TAS2R1: variants seen among roughly 807,000 people sequenced by gnomAD.
TAS2R1 encodes taste receptor type 2 member 1.
For missense variants in TAS2R1, 370 were observed against 353.4 expected (o/e 1.05, Z -0.38); for synonymous variants, 141 against 134.2 (o/e 1.05, Z -0.35).
the TAS2R1 span, among the ~76,000 whole-genome samples, chr5:9,862,595 C>T: frequency 1.0e-3 from 85 of 83,706 alleles, no homozygotes; most frequent in Non-Finnish European, 1.8e-3. Context: ...AGTCTTATTT[C>T]GTTTTATGAT....
intron 1 of TAS2R1, among the ~76,000 whole-genome samples, chr5:9,697,306 T>A (rs1430354703): frequency 6.6e-6 from 1 of 152,142 alleles, no homozygotes; most frequent in African/African-American, 2.4e-5. Flanking sequence ...GCATCTGATA[T>A]CTAGGCTTTA....
chr5:9,769,797 G>A, the TAS2R1 span, among the ~76,000 whole-genome samples: 574 of 152,100 alleles, frequency 3.8e-3, 3 homozygotes, highest in African/African-American at 0.013. Context: ...TGAGCTCCTT[G>A]TATATTCTGG....
At chr5:9,809,402 G>A in the TAS2R1 span, among the ~76,000 whole-genome samples, 2 of 152,226 alleles carry the variant, frequency 1.3e-5, no homozygotes, top group South Asian at 4.2e-4. Context: ...GAGTCTTTGG[G>A]AGGTGATTAG....
the TAS2R1 span, among the ~76,000 whole-genome samples, chr5:9,770,699 T>C: frequency 6.6e-6 from 1 of 152,222 alleles, no homozygotes; most frequent in Non-Finnish European, 1.5e-5. Flanking sequence ...CTTTTTTGGA[T>C]TGTTCACTGT....
chr5:9,738,387 G>C, the TAS2R1 span, among the ~76,000 whole-genome samples: 1 of 152,136 alleles, frequency 6.6e-6, no homozygotes, highest in Non-Finnish European at 1.5e-5. Flanking sequence ...AAATGAACCA[G>C]AGAAGTGGAG....
chr5:9,820,155 C>A, the TAS2R1 span, among the ~76,000 whole-genome samples: 1 of 152,104 alleles, frequency 6.6e-6, no homozygotes, highest in East Asian at 1.9e-4. Flanking sequence ...CCAGTTTGCA[C>A]ACTCTATTTT....
At chr5:9,656,115 G>A (rs1173826727) in intron 2 of TAS2R1, among the ~76,000 whole-genome samples, 1 of 152,066 alleles carries the variant, frequency 6.6e-6, no homozygotes. Flanking sequence ...TTCTGTAAGG[G>A]CAATGCTACA....
At position 9,637,259 on chromosome 5, in the gene TAS2R1, A is replaced by G. The variant is rs187422300; in HGVS notation, c.-80-7267T>C. 5.4e-4 allele frequency among the ~76,000 whole-genome samples: 82 copies of G among 152,316 alleles called. No individual in the cohort carries two copies. In the East Asian group the frequency reaches 8.5e-3, roughly 16 times the overall value. ...TCAGGAGGCTAAAAATGGAACCCCA[A>G]GCCTTTCTGGCTTGTAAGGTTTTTG... On this transcript the variant is annotated intron_variant, in intron 2 of 2. Coordinates refer to the TAS2R1 transcript ENST00000506620.
chr5:9,743,443 A>G, the TAS2R1 span, among the ~76,000 whole-genome samples: 1 of 152,124 alleles, frequency 6.6e-6, no homozygotes, highest in African/African-American at 2.4e-5. Context: ...AGCATTAGGT[A>G]TATCTCCTAA....
At chr5:9,844,637 G>A in the TAS2R1 span, among the ~76,000 whole-genome samples, 1 of 152,066 alleles carries the variant, frequency 6.6e-6, no homozygotes, top group East Asian at 1.9e-4. Context: ...TAGACTATAA[G>A]CTCCATAAAA....
At chr5:9,875,024 G>A in the TAS2R1 span, among the ~76,000 whole-genome samples, 2 of 152,116 alleles carry the variant, frequency 1.3e-5, no homozygotes, top group Admixed American at 1.3e-4. Flanking sequence ...AAGAGATATG[G>A]CTCTTCTCTG....
the TAS2R1 span, among the ~76,000 whole-genome samples, chr5:9,768,057 A>C: frequency 6.7e-6 from 1 of 150,010 alleles, no homozygotes; most frequent in African/African-American, 2.5e-5. Context: ...TCCTGCCCCC[A>C]CCCTAACTGC....
At chr5:9,767,791 G>A in the TAS2R1 span, among the ~76,000 whole-genome samples, 1 of 152,062 alleles carries the variant, frequency 6.6e-6, no homozygotes, top group Non-Finnish European at 1.5e-5. Context: ...TGGCATGGTG[G>A]CGCACACCTG....
chr5:9,887,033 A>T, the TAS2R1 span, among the ~76,000 whole-genome samples: 1 of 152,182 alleles, frequency 6.6e-6, no homozygotes, highest in African/African-American at 2.4e-5. Context: ...TGGGAATGGA[A>T]TTGCTGGAGC....
chr5:9,747,380 A>T, the TAS2R1 span, among the ~76,000 whole-genome samples: 3 of 152,190 alleles, frequency 2.0e-5, no homozygotes, highest in African/African-American at 7.2e-5. Flanking sequence ...TCTGTAGAAC[A>T]TTCAAAAAGC....
At chr5:9,828,166 C>G in the TAS2R1 span, among the ~76,000 whole-genome samples, 1 of 152,064 alleles carries the variant, frequency 6.6e-6, no homozygotes, top group African/African-American at 2.4e-5. Context: ...ACTCTTGTCA[C>G]CTAGGCTGGA....
the TAS2R1 span, among the ~76,000 whole-genome samples, chr5:9,735,497 T>C: frequency 6.6e-6 from 1 of 151,392 alleles, no homozygotes; most frequent in Non-Finnish European, 1.5e-5. Flanking sequence ...ATGTATTTAC[T>C]ATGCTATGCT....
At chr5:9,709,583 A>G (rs1056864062) in intron 1 of TAS2R1, among the ~76,000 whole-genome samples, 1 of 152,186 alleles carries the variant, frequency 6.6e-6, no homozygotes, top group African/African-American at 2.4e-5. Flanking sequence ...GATAAAAGAC[A>G]CTGTGGCTTC....
the TAS2R1 span, among the ~76,000 whole-genome samples, chr5:9,802,771 C>A: frequency 6.6e-6 from 1 of 152,150 alleles, no homozygotes; most frequent in South Asian, 2.1e-4. Flanking sequence ...GACGTGGTGG[C>A]GGGCATCTGT....
Sources: allele counts gnomAD v4.1 joint callset (sites outside exome capture counted in the v4.1 genomes callset), GRCh38; gene constraint gnomAD v4.1.1; transcripts MANE v1.5; gene names NCBI Gene and HGNC (gene_info 2026-07-23, HGNC 2026-07-21).